The following ONECUT3 variants were observed in gnomAD, a reference collection of about 807,000 sequenced individuals.
ONECUT3 encodes one cut domain family member 3.
A neutral mutation model predicts 16.8 loss-of-function variants in ONECUT3; 11 were observed. The ratio of observed to expected loss-of-function variants is 0.66; its 90% CI spans 0.41 to 1.09. The LOEUF (loss-of-function observed/expected upper bound fraction) is 1.09. ONECUT3 is among the 50% of genes least tolerant of loss of function. The pLI is 0.00. For synonymous variants in ONECUT3, 344 were observed against 310.7 expected (o/e 1.11, Z -1.13); for missense variants, 637 against 629.9 (o/e 1.01, Z -0.12).
At position 1,754,628 on chromosome 19, in the gene ONECUT3, C is replaced by T; in HGVS notation, c.966C>T (p.Asn322=). 1.3e-6 allele frequency: 2 copies of T among 1,496,468 alleles called. No homozygotes were observed. The highest frequency in any genetic ancestry group is 1.8e-6 in the Non-Finnish European group (2 of 1,124,914). The allele number at this position is 1,496,468 out of a possible 1,614,324, so 92.7% of individuals were successfully genotyped here. ...PSAGAAAEEI[N]TKEVAQRITA... is the part of the protein sequence containing the mutation. ...CGGGCGCAGCGGCCGAGGAGATCAACACCAAGGAGGTGGCGCAGCGCATCA... is the reference window on the plus strand; with the variant it reads ...CGGGCGCAGCGGCCGAGGAGATCAATACCAAGGAGGTGGCGCAGCGCATCA... Residue 322 remains asparagine, a synonymous_variant, in exon 1 of 2, where the codon AAC becomes AAT. Transcript: ENST00000382349. This position sits in a 1 kb window ranked among gnomAD's most constrained non-coding sequence, Gnocchi z 7.4.
rs973169916 is a variant in ONECUT3 at position 1,754,467 on chromosome 19, G to T, written c.805G>T (p.Gly269Cys). The T allele has an allele frequency of 4.4e-5, 43 of 984,718 alleles. No individual in the cohort carries two copies. Among genetic ancestry groups the T allele is most frequent in the Non-Finnish European group, 5.2e-5 (43 of 831,210 alleles). 61.0% of individuals were successfully genotyped at this position (984,718 alleles called of 1,614,324 possible). A position where few individuals can be genotyped will look rare whatever the true frequency, so the allele number is the denominator to read the frequency against. Residue 269 changes from glycine (G) to cysteine (C), a missense_variant, in exon 1 of 2, where the codon GGC becomes TGC. Around this residue, in one of 3 missense-constraint regions of ONECUT3, gnomAD observed 419 missense variants for 377.9 expected, o/e 1.11. Coordinates refer to ENST00000382349, the MANE Select transcript of ONECUT3 (RefSeq NM_001080488.2). The surrounding 1 kb of genome is among the most constrained non-coding windows in gnomAD (Gnocchi z 7.4). ...LARGLPGGGG[G>C]TGSGGAGSGS... is the part of the protein sequence containing the mutation. Reference sequence around the variant, plus strand: ...CCGCGGGCTGCCCGGAGGCGGCGGCGGCACAGGCAGCGGCGGAGCGGGCAG... The same window carrying T: ...CCGCGGGCTGCCCGGAGGCGGCGGCTGCACAGGCAGCGGCGGAGCGGGCAG...
intron 1 of ONECUT3, among the ~76,000 whole-genome samples, chr19:1,760,493 G>A (rs1034530067): frequency 5.9e-5 from 9 of 151,940 alleles, no homozygotes; most frequent in South Asian, 2.1e-4. Flanking sequence ...CCAGGTGACC[G>A]GCCAGTTCCA....
chr19:1,756,994 C>T (rs1191252625), intron 1 of ONECUT3, among the ~76,000 whole-genome samples: 1 of 152,314 alleles, frequency 6.6e-6, no homozygotes, highest in East Asian at 1.9e-4. Flanking sequence ...ACCCAGAGTC[C>T]ACACCACTCT....
In ONECUT3 at chr19:1,753,614, C is replaced by A; in HGVS notation, c.-49C>A. ...GCGGGAGTCATGCAGCGGCCTTGAGCACTAGGGGCCGGCGCTGAGGAGCGC... is the reference window on the plus strand; with the variant it reads ...GCGGGAGTCATGCAGCGGCCTTGAGAACTAGGGGCCGGCGCTGAGGAGCGC... On this transcript the variant is annotated 5_prime_UTR_variant, in exon 1 of 2. Transcript: ENST00000382349. 1 of 729,250 alleles carries A rather than the reference C, an allele frequency of 1.4e-6. No individual in the cohort carries two copies. The highest frequency in any genetic ancestry group is 1.7e-6 in the Non-Finnish European group (1 of 583,078). The allele number at this position is 729,250 out of a possible 1,614,324, so 45.2% of individuals were successfully genotyped here. A position where few individuals can be genotyped will look rare whatever the true frequency, so the allele number is the denominator to read the frequency against.
rs2067911994 is a variant in ONECUT3, at chr19:1,755,496, G to A, written c.1192+642G>A. ...CAAAGGTCACCCGAGAATGGCGGGG[G>A]AGGGGCGGCCCCGGGGACCCTCGGC... On this transcript the variant is annotated intron_variant, in intron 1 of 1. Coordinates refer to ENST00000382349, the MANE Select transcript of ONECUT3 (RefSeq NM_001080488.2). This position sits in a 1 kb window ranked among gnomAD's most constrained non-coding sequence, Gnocchi z 7.5. Among the ~76,000 whole-genome samples, 1 of 152,014 alleles carries A rather than the reference G, an allele frequency of 6.6e-6. No individual in the cohort carries two copies. Among genetic ancestry groups the A allele is most frequent in the Admixed American group, 6.5e-5 (1 of 15,272 alleles).
chr19:1,763,762 G>C (rs2067961310), intron 1 of ONECUT3, among the ~76,000 whole-genome samples: 1 of 148,830 alleles, frequency 6.7e-6, no homozygotes, highest in South Asian at 2.1e-4. Flanking sequence ...AGAAAGGGGA[G>C]CTTCAGATGC....
In ONECUT3 at chr19:1,764,835, T is replaced by C. The variant is rs1353306595; in HGVS notation, c.1192+9981T>C. Among the ~76,000 whole-genome samples, 3 of 59,216 alleles carry C rather than the reference T, an allele frequency of 5.1e-5. No individual in the cohort carries two copies. Among genetic ancestry groups the C allele is most frequent in the South Asian group, 1.2e-3 (2 of 1,682 alleles). The allele number at this position is 59,216 out of a possible 152,430, so 38.8% of individuals were successfully genotyped here. A position where few individuals can be genotyped will look rare whatever the true frequency, so the allele number is the denominator to read the frequency against. On this transcript the variant is annotated intron_variant, in intron 1 of 1. Coordinates refer to ENST00000382349, the MANE Select transcript of ONECUT3 (RefSeq NM_001080488.2). The surrounding 1 kb of genome is among the most constrained non-coding windows in gnomAD (Gnocchi z 5.0). ...GCGCAGGGGGGACAAGACACCAGCA[T>C]GGGGGTGGGGGGCATCAGTACAACC... is the stretch of plus-strand genomic sequence containing the variant.
At position 1,780,052 on chromosome 19, in the gene ONECUT3, G is replaced by C. The variant is rs1023784654; in HGVS notation, c.*4607G>C. 3 of 152,390 alleles carry C rather than the reference G, an allele frequency of 2.0e-5. No homozygotes were observed. Among genetic ancestry groups the C allele is most frequent in the African/African-American group, 4.8e-5 (2 of 41,398 alleles). 9.4% of individuals were successfully genotyped at this position (152,390 alleles called of 1,614,324 possible). A position where few individuals can be genotyped will look rare whatever the true frequency, so the allele number is the denominator to read the frequency against. ...GAATTCCCAAGTGTCTTGTTCAGAG[G>C]AGACAGACAATCAGCCTATTCTTGT... is the stretch of plus-strand genomic sequence containing the variant. On this transcript the variant is annotated 3_prime_UTR_variant, in exon 2 of 2. Coordinates refer to ENST00000382349, the MANE Select transcript of ONECUT3 (RefSeq NM_001080488.2).
At position 1,780,743 on chromosome 19, in the gene ONECUT3, C is replaced by T. The variant is rs1263077055; in HGVS notation, c.*5298C>T. ...TCAGGCCAGTAGACTCCTGGGGCTC[C>T]TCCTCGTGGCCCTGTCAGACCACGC... On this transcript the variant is annotated 3_prime_UTR_variant, in exon 2 of 2. Coordinates refer to ENST00000382349, the MANE Select transcript of ONECUT3 (RefSeq NM_001080488.2). The T allele has an allele frequency of 6.6e-6, 1 of 152,216 alleles. No homozygotes were observed. The highest frequency in any genetic ancestry group is 2.4e-5 in the African/African-American group (1 of 41,436). 9.4% of individuals were successfully genotyped at this position (152,216 alleles called of 1,614,324 possible).
At chr19:1,761,621 G>T (rs967435093) in intron 1 of ONECUT3, among the ~76,000 whole-genome samples, 1 of 152,250 alleles carries the variant, frequency 6.6e-6, no homozygotes, top group Non-Finnish European at 1.5e-5. Context: ...AGCCGGGCAG[G>T]TAGCCCGGCT....
intron 1 of ONECUT3, among the ~76,000 whole-genome samples, chr19:1,756,873 C>G (rs2067919037): frequency 1.3e-5 from 2 of 152,106 alleles, no homozygotes; most frequent in African/African-American, 4.8e-5. Flanking sequence ...TAAACACCAA[C>G]TGGTTGCCAT....
At chr19:1,763,382 A>ATAATAAAAAAAT (rs1373088476) in intron 1 of ONECUT3, among the ~76,000 whole-genome samples, 1 of 131,224 alleles carries the variant, frequency 7.6e-6, no homozygotes, top group Admixed American at 7.6e-5. Context: ...AAAAAAAAAA[A>ATAATAAAAAAAT]AAAAAAAAAA....
chr19:1,775,061 C>G, intron 1 of ONECUT3, 92 bp from the exon 2 acceptor site: 2 of 776,498 alleles, frequency 2.6e-6, no homozygotes, highest in Non-Finnish European at 3.9e-6. Flanking sequence ...TCCTCCTCAT[C>G]CTCCGGGCGG....
Position 1,759,095 on chromosome 19 carries a change from G to C in ONECUT3, c.1192+4241G>C, listed in dbSNP as rs570330639. ...GGGAGGACCCCCCACCCCCACCCCA[G>C]GTGGATGGGATGCTTTGCCCTTAAG... On this transcript the variant is annotated intron_variant, in intron 1 of 1. Transcript: ENST00000382349. This position sits in a 1 kb window ranked among gnomAD's most constrained non-coding sequence, Gnocchi z 4.1. Among the ~76,000 whole-genome samples, 141 of 152,158 alleles carry C rather than the reference G, an allele frequency of 9.3e-4. 1 individual carries two copies. The highest frequency in any genetic ancestry group is 3.0e-3 in the African/African-American group (125 of 41,510).
At position 1,780,181 on chromosome 19, in the gene ONECUT3, C is replaced by CCG. The variant is rs1194328776; in HGVS notation, c.*4737_*4738insGC. 1 of 152,216 alleles carries CCG rather than the reference C, an allele frequency of 6.6e-6. No individual in the cohort carries two copies. Among genetic ancestry groups the CCG allele is most frequent in the African/African-American group, 2.4e-5 (1 of 41,410 alleles). 9.4% of individuals were successfully genotyped at this position (152,216 alleles called of 1,614,324 possible). ...AGCAGGCACCAGCACCCCCTCCCCC[C>CCG]CCACCTCCACCCAGACAGCCTCGGC... is the stretch of plus-strand genomic sequence containing the variant. On this transcript the variant is annotated 3_prime_UTR_variant, in exon 2 of 2. Transcript: ENST00000382349.
Position 1,753,615 on chromosome 19 carries a change from A to T in ONECUT3, c.-48A>T. On this transcript the variant is annotated 5_prime_UTR_variant, in exon 1 of 2. Coordinates refer to ENST00000382349, the MANE Select transcript of ONECUT3 (RefSeq NM_001080488.2). ...CGGGAGTCATGCAGCGGCCTTGAGC[A>T]CTAGGGGCCGGCGCTGAGGAGCGCG... The T allele has an allele frequency of 1.3e-6, 1 of 749,990 alleles. No individual in the cohort carries two copies. Among genetic ancestry groups the T allele is most frequent in the Non-Finnish European group, 1.7e-6 (1 of 602,390 alleles). 46.5% of individuals were successfully genotyped at this position (749,990 alleles called of 1,614,324 possible).
rs1297581302 is a variant in ONECUT3, at chr19:1,766,046, A to G, written c.1193-9107A>G. On this transcript the variant is annotated intron_variant, in intron 1 of 1. Coordinates refer to ENST00000382349, the MANE Select transcript of ONECUT3 (RefSeq NM_001080488.2). This position sits in a 1 kb window ranked among gnomAD's most constrained non-coding sequence, Gnocchi z 4.0. ...TCCACCGCCCGTCCAAGGCCCCACAAGCTGATGCCGGTTTTCCCGCCCAGA... is the reference window on the plus strand; with the variant it reads ...TCCACCGCCCGTCCAAGGCCCCACAGGCTGATGCCGGTTTTCCCGCCCAGA... 6.6e-6 allele frequency among the ~76,000 whole-genome samples: 1 copy of G among 152,200 alleles called. No individual in the cohort carries two copies. The highest frequency in any genetic ancestry group is 2.4e-5 in the African/African-American group (1 of 41,426).
rs1414581555 is a variant in ONECUT3 at position 1,779,194 on chromosome 19, A to C, written c.*3749A>C. On this transcript the variant is annotated 3_prime_UTR_variant, in exon 2 of 2. Transcript: ENST00000382349. ...GCTAGTTTTTGGAATACGTGACTTGAAGCTTTATACCGTTAAATTATAATT... is the reference window on the plus strand; with the variant it reads ...GCTAGTTTTTGGAATACGTGACTTGCAGCTTTATACCGTTAAATTATAATT... The C allele has an allele frequency of 2.0e-5, 3 of 152,208 alleles. No homozygotes were observed. Among genetic ancestry groups the C allele is most frequent in the Non-Finnish European group, 2.9e-5 (2 of 68,044 alleles). The allele number at this position is 152,208 out of a possible 1,614,324, so 9.4% of individuals were successfully genotyped here.
rs577740978 is a variant in ONECUT3 at position 1,767,668 on chromosome 19, C to T, written c.1193-7485C>T. ...CAGCAGGGATAACTGAGCGAAGGGGCGGCCACATCCCCGGGACCTCCCCGC... is the reference window on the plus strand; with the variant it reads ...CAGCAGGGATAACTGAGCGAAGGGGTGGCCACATCCCCGGGACCTCCCCGC... On this transcript the variant is annotated intron_variant, in intron 1 of 1. Coordinates refer to ENST00000382349, the MANE Select transcript of ONECUT3 (RefSeq NM_001080488.2). 1.0e-3 allele frequency among the ~76,000 whole-genome samples: 156 copies of T among 152,316 alleles called. 1 individual carries two copies. The highest frequency in any genetic ancestry group is 3.6e-3 in the African/African-American group (149 of 41,576).
Sources: gnomAD v4.1 joint callset for allele counts (sites outside exome capture counted in the v4.1 genomes callset) on GRCh38, gnomAD v4.1.1 for gene constraint, gnomAD v4.1.1 regional missense constraint, Gnocchi (gnomAD v3.1) non-coding constraint, MANE v1.5 for transcripts, NCBI Gene and HGNC (gene_info 2026-07-23, HGNC 2026-07-21) for gene names.